Variants in TCF4 observed in about 807,000 individuals in gnomAD.
TCF4 encodes the protein transcription factor 4, also known as SL3-3 enhancer factor 2.
In TCF4, 3 loss-of-function variants were observed where a neutral mutation model predicts 82.1. The ratio of observed to expected loss-of-function variants is 0.04; its 90% CI spans 0.02 to 0.09. The LOEUF is 0.09. TCF4 is among the 10% of genes least tolerant of loss of function. The pLI, the probability that TCF4 is intolerant of heterozygous loss-of-function variation, is 1.00. For synonymous variants in TCF4, 276 were observed against 309.6 expected (o/e 0.89, Z 1.14); for missense variants, 518 against 852.7 (o/e 0.61, Z 4.89).
At chr18:55,261,129 C>T in intron 12 of TCF4, 1 of 174,852 alleles carries the variant, frequency 5.7e-6, no homozygotes, top group Non-Finnish European at 1.1e-5. Flanking sequence ...CTATTCCTTG[C>T]TAAGACAGTC....
At chr18:55,294,657 A>G (rs2066031428) in intron 8 of TCF4, among the ~76,000 whole-genome samples, 1 of 152,252 alleles carries the variant, frequency 6.6e-6, no homozygotes, top group African/African-American at 2.4e-5. Flanking sequence ...ATCACGCTGC[A>G]ATTCCACAGT....
chr18:55,480,334 T>A (rs1211880826), intron 3 of TCF4, among the ~76,000 whole-genome samples: 1 of 146,026 alleles, frequency 6.8e-6, no homozygotes, highest in East Asian at 2.1e-4. Context: ...TGTATTACAC[T>A]TACTGTTATG....
chr18:55,283,620 T>C (rs1392020692), intron 8 of TCF4, among the ~76,000 whole-genome samples: 1 of 152,168 alleles, frequency 6.6e-6, no homozygotes, highest in Admixed American at 6.5e-5. Context: ...GAAGGTCAAG[T>C]GTATTGGCCC....
At chr18:55,393,340 G>T (rs2093291155) in intron 6 of TCF4, among the ~76,000 whole-genome samples, 1 of 152,126 alleles carries the variant, frequency 6.6e-6, no homozygotes, top group Non-Finnish European at 1.5e-5. Flanking sequence ...CTCCAGCCTG[G>T]GTGATAGAGT....
At chr18:55,589,618 CTTG>C (rs967039187), upstream of TCF4, 10 of 1,042,854 alleles carry the variant, frequency 9.6e-6, no homozygotes, top group African/African-American at 1.0e-4. Flanking sequence ...TCAAACAATT[CTTG>C]TTGGTGATTT....
intron 5 of TCF4, among the ~76,000 whole-genome samples, chr18:55,412,908 C>T (rs2094403318): frequency 6.6e-6 from 1 of 152,110 alleles, no homozygotes; most frequent in South Asian, 2.1e-4. Context: ...CTAAATAAGC[C>T]ACAGTGAGAT....
At chr18:55,353,505 C>A (rs979527223) in intron 6 of TCF4, among the ~76,000 whole-genome samples, 6 of 152,132 alleles carry the variant, frequency 3.9e-5, no homozygotes, top group Admixed American at 6.6e-5. Flanking sequence ...CTCACTTGGA[C>A]AATAGAATCA....
At chr18:55,625,402 C>A (rs2097725577) in intron 2 of TCF4, among the ~76,000 whole-genome samples, 1 of 152,056 alleles carries the variant, frequency 6.6e-6, no homozygotes, top group African/African-American at 2.4e-5. Context: ...CCATGCCCAG[C>A]TAATTTTTGT....
At chr18:55,622,841 C>G (rs978352452) in intron 2 of TCF4, among the ~76,000 whole-genome samples, 16 of 151,400 alleles carry the variant, frequency 1.1e-4, no homozygotes, top group Admixed American at 5.9e-4. Context: ...TGCATTTGCA[C>G]GAGAGTTCTC....
intron 3 of TCF4, among the ~76,000 whole-genome samples, chr18:55,576,326 A>T (rs1263276685): frequency 6.6e-6 from 1 of 152,176 alleles, no homozygotes; most frequent in Non-Finnish European, 1.5e-5. Flanking sequence ...AGGGACACAA[A>T]ATCTTCAATT....
intron 3 of TCF4, among the ~76,000 whole-genome samples, chr18:55,512,308 G>T (rs532951097): frequency 6.6e-6 from 1 of 152,080 alleles, no homozygotes; most frequent in Admixed American, 6.6e-5. Flanking sequence ...GGAATATTAC[G>T]CTGCCTTTAA....
chr18:55,243,293 A>G (rs2051940707), intron 15 of TCF4, among the ~76,000 whole-genome samples: 2 of 152,212 alleles, frequency 1.3e-5, no homozygotes, highest in South Asian at 4.1e-4. Context: ...TCTGACAAAA[A>G]GCAGATTTTT....
chr18:55,621,777 T>C (rs1270686369), intron 2 of TCF4, among the ~76,000 whole-genome samples: 1 of 91,374 alleles, frequency 1.1e-5, no homozygotes, highest in East Asian at 3.7e-4. Flanking sequence ...TAATATATAA[T>C]ATAATATATA....
chr18:55,245,148 T>C (rs1241376572), intron 15 of TCF4, among the ~76,000 whole-genome samples: 1 of 152,202 alleles, frequency 6.6e-6, no homozygotes, highest in East Asian at 1.9e-4. Flanking sequence ...TACAGCTTTT[T>C]TTCAGTTCTC....
At chr18:55,267,264 C>T (rs1041078780) in intron 11 of TCF4, 4 of 152,090 alleles carry the variant, frequency 2.6e-5, no homozygotes, top group East Asian at 1.9e-4. Flanking sequence ...ATACAGGCAA[C>T]GTAATATTTC....
At chr18:55,552,576 G>C (rs1399895267) in intron 3 of TCF4, among the ~76,000 whole-genome samples, 1 of 152,192 alleles carries the variant, frequency 6.6e-6, no homozygotes, top group African/African-American at 2.4e-5. Flanking sequence ...AAAAGGCCAG[G>C]CCACGGGACA....
chr18:55,411,878 T>C (rs1048193646), intron 5 of TCF4, among the ~76,000 whole-genome samples: 1 of 152,096 alleles, frequency 6.6e-6, no homozygotes, highest in Non-Finnish European at 1.5e-5. Context: ...GTAGCTGGGA[T>C]TACACGCATG....
chr18:55,303,767 G>C (rs2069191545), intron 8 of TCF4, among the ~76,000 whole-genome samples: 1 of 152,098 alleles, frequency 6.6e-6, no homozygotes, highest in South Asian at 2.1e-4. Flanking sequence ...CTTTGGCTGA[G>C]GGGAAGGAAA....
chr18:55,448,131 C>T (rs550005314), intron 5 of TCF4, among the ~76,000 whole-genome samples: 4 of 152,246 alleles, frequency 2.6e-5, no homozygotes, highest in Non-Finnish European at 4.4e-5. Flanking sequence ...TGTCTAGGAA[C>T]GCTCTCTAAA....
Sources: allele counts gnomAD v4.1 joint callset (sites outside exome capture counted in the v4.1 genomes callset), GRCh38; gene constraint gnomAD v4.1.1; transcripts MANE v1.5; gene names NCBI Gene and HGNC (gene_info 2026-07-23, HGNC 2026-07-21).